ANKRD13C: variants seen among roughly 807,000 people sequenced by gnomAD.
ANKRD13C encodes ankyrin repeat domain-containing protein 13C.
In ANKRD13C, 16 loss-of-function variants were observed where a neutral mutation model predicts 65.5. The observed-to-expected ratio is 0.24, with a 90% CI of 0.17 to 0.37. The LOEUF is 0.37. Among genes scored for constraint, ANKRD13C ranks in the 10% least tolerant of loss-of-function variants. The pLI, the probability that ANKRD13C is intolerant of heterozygous loss-of-function variation, is 1.00. For missense variants in ANKRD13C, 503 were observed against 655.9 expected, an observed-to-expected ratio of 0.77 and a Z score of 2.55; for synonymous variants, 235 against 238.7, an observed-to-expected ratio of 0.98 and a Z score of 0.14.
chr1:70,313,527 C>CAAAA (rs375377368), intron 5 of ANKRD13C, among the ~76,000 whole-genome samples: 1 of 69,104 alleles, frequency 1.4e-5, no homozygotes. Flanking sequence ...GAACTTGTCT[C>CAAAA]AAAAAAAAAA....
chr1:70,326,696 G>C (rs1240820788), intron 2 of ANKRD13C, among the ~76,000 whole-genome samples: 1 of 152,048 alleles, frequency 6.6e-6, no homozygotes, highest in Non-Finnish European at 1.5e-5. Context: ...TGGAAACAAA[G>C]TGAATGTCCA....
intron 1 of ANKRD13C, among the ~76,000 whole-genome samples, chr1:70,353,179 T>C (rs752806177): frequency 2.4e-4 from 36 of 152,216 alleles, no homozygotes; most frequent in Non-Finnish European, 4.3e-4. Flanking sequence ...AAATTTACTG[T>C]TGCTTAAAAG....
chr1:70,317,124 T>A (rs1681104412), intron 3 of ANKRD13C, among the ~76,000 whole-genome samples: 1 of 151,956 alleles, frequency 6.6e-6, no homozygotes, highest in Admixed American at 6.6e-5. Context: ...GTAAAAATAG[T>A]AGGAGCTATT....
intron 1 of ANKRD13C, among the ~76,000 whole-genome samples, chr1:70,346,721 T>C (rs1434301352): frequency 6.6e-6 from 1 of 152,164 alleles, no homozygotes; most frequent in Non-Finnish European, 1.5e-5. Flanking sequence ...CTTATCACCC[T>C]CACAGTTTCC....
At chr1:70,327,360 G>T (rs562955860) in intron 2 of ANKRD13C, among the ~76,000 whole-genome samples, 3 of 152,110 alleles carry the variant, frequency 2.0e-5, no homozygotes, top group Non-Finnish European at 4.4e-5. Flanking sequence ...AAAGGATAAA[G>T]AACAGGTTAA....
chr1:70,279,276 G>A (rs1433421587), intron 9 of ANKRD13C, among the ~76,000 whole-genome samples: 17 of 152,128 alleles, frequency 1.1e-4, no homozygotes, highest in Non-Finnish European at 4.4e-5. Context: ...TCTACCCTCC[G>A]TTTTCTGCCG....
chr1:70,300,940 C>A, intron 6 of ANKRD13C, 32 bp from the exon 7 acceptor site: 1 of 1,583,158 alleles, frequency 6.3e-7, no homozygotes, highest in Non-Finnish European at 8.6e-7. Context: ...TAAACTCTGA[C>A]AAATATAATT....
chr1:70,317,734 T>C (rs1185088314), intron 3 of ANKRD13C, among the ~76,000 whole-genome samples: 1 of 152,160 alleles, frequency 6.6e-6, no homozygotes, highest in East Asian at 1.9e-4. Flanking sequence ...TTAATGGTCA[T>C]TGTTTTCTAC....
intron 1 of ANKRD13C, among the ~76,000 whole-genome samples, chr1:70,344,871 T>C (rs1442363950): frequency 1.3e-5 from 2 of 152,020 alleles, no homozygotes; most frequent in African/African-American, 4.8e-5. Flanking sequence ...TTTAGAACTA[T>C]AATACTCACT....
intron 1 of ANKRD13C, among the ~76,000 whole-genome samples, chr1:70,338,053 G>T (rs557442196): frequency 6.6e-6 from 1 of 152,132 alleles, no homozygotes; most frequent in Admixed American, 6.5e-5. Context: ...GAACCAAGAT[G>T]GCGGCAATGC....
chr1:70,302,725 CAAAAAA>C (rs11359618), intron 6 of ANKRD13C, among the ~76,000 whole-genome samples: 2 of 32,162 alleles, frequency 6.2e-5, no homozygotes, highest in South Asian at 2.6e-3. Context: ...GACTCCGTCT[CAAAAAA>C]AAAAAAAAAA....
At chr1:70,316,218 C>T (rs1681066919) in intron 3 of ANKRD13C, among the ~76,000 whole-genome samples, 1 of 152,162 alleles carries the variant, frequency 6.6e-6, no homozygotes, top group South Asian at 2.1e-4. Flanking sequence ...AAAAGAACTT[C>T]TGAATCTAAG....
In ANKRD13C at chr1:70,281,845, G is replaced by A. The variant is rs139740567; in HGVS notation, c.1216-5001C>T. Among the ~76,000 whole-genome samples the A allele has an allele frequency of 6.2e-3, 940 of 151,138 alleles. 9 individuals are homozygous for A. The highest frequency in any genetic ancestry group is 0.021 in the African/African-American group (879 of 41,268). On this transcript the variant is annotated intron_variant, in intron 9 of 12. Transcript: ENST00000370944. ...GCAGATCACCTGAGGTCAGGAGTTCGACACCAGCCTGGCCAACATGGTGAA... is the reference window on the plus strand; with the variant it reads ...GCAGATCACCTGAGGTCAGGAGTTCAACACCAGCCTGGCCAACATGGTGAA...
chr1:70,275,210 T>C (rs1314041204), intron 10 of ANKRD13C, among the ~76,000 whole-genome samples: 1 of 152,216 alleles, frequency 6.6e-6, no homozygotes, highest in Non-Finnish European at 1.5e-5. Flanking sequence ...ATAAGAAATA[T>C]TGTGAAGAAT....
In ANKRD13C at chr1:70,296,256, T is replaced by C; in HGVS notation, c.927A>G (p.Ser309=). Residue 309 remains serine, a synonymous_variant, in exon 8 of 13, where the codon TCA becomes TCG. Transcript: ENST00000370944. ...KVYQRIHHEE[S]EMETEEEVDI... ...CCACCTCTTCTTCTGTTTCCATCTCTGATTCCTGGGATGTGAGCAAAAGTT... is the reference window on the plus strand; with the variant it reads ...CCACCTCTTCTTCTGTTTCCATCTCCGATTCCTGGGATGTGAGCAAAAGTT... The C allele has an allele frequency of 4.3e-6, 7 of 1,612,696 alleles. No homozygotes were observed. Among genetic ancestry groups the C allele is most frequent in the Non-Finnish European group, 5.9e-6 (7 of 1,179,590 alleles).
At chr1:70,317,467 A>C (rs553958122) in intron 3 of ANKRD13C, among the ~76,000 whole-genome samples, 1 of 152,070 alleles carries the variant, frequency 6.6e-6, no homozygotes, top group African/African-American at 2.4e-5. Context: ...TCTTTTTTTT[A>C]AAAATAAAAT....
rs139960582 is a variant in ANKRD13C at position 70,351,384 on chromosome 1, C to T, written c.430+2595G>A. Among the ~76,000 whole-genome samples, 649 of 152,138 alleles carry T rather than the reference C, an allele frequency of 4.3e-3. 6 individuals are homozygous for T. Among genetic ancestry groups the T allele is most frequent in the South Asian group, 0.036 (174 of 4,808 alleles). On this transcript the variant is annotated intron_variant, in intron 1 of 12. Coordinates refer to ENST00000370944, the MANE Select transcript of ANKRD13C (RefSeq NM_030816.5). ...AAAGCAATCCAAAGAGAATATACAT[C>T]ATTTATTTATTTATTTTATTTTATT...
intron 9 of ANKRD13C, among the ~76,000 whole-genome samples, chr1:70,289,633 ATT>A (rs778610042): frequency 1.4e-4 from 19 of 138,700 alleles, no homozygotes; most frequent in South Asian, 2.3e-4. Context: ...CGCCCGGCTA[ATT>A]TTTTTTTTTT....
chr1:70,316,231 A>T (rs900793813), intron 3 of ANKRD13C, among the ~76,000 whole-genome samples: 1 of 152,234 alleles, frequency 6.6e-6, no homozygotes, highest in African/African-American at 2.4e-5. Context: ...AATCTAAGAA[A>T]ACCTAAAGGT....
Sources: gnomAD v4.1 joint callset for allele counts (sites outside exome capture counted in the v4.1 genomes callset) on GRCh38, gnomAD v4.1.1 for gene constraint, MANE v1.5 for transcripts, NCBI Gene and HGNC (gene_info 2026-07-23, HGNC 2026-07-21) for gene names.